Variants in PPP1R13B observed in about 807,000 individuals in gnomAD.
PPP1R13B encodes protein phosphatase 1 regulatory subunit 13B.
In PPP1R13B, 44 loss-of-function variants were observed where a neutral mutation model predicts 119.8. The observed-to-expected ratio is 0.37, with a 90% confidence interval of 0.29 to 0.47. The LOEUF is 0.47. PPP1R13B is among the 20% of genes least tolerant of loss of function. PPP1R13B has a pLI of 0.99. For synonymous variants in PPP1R13B, 542 were observed against 561.5 expected (o/e 0.97, Z 0.49); for missense variants, 1,227 against 1,413.5 (o/e 0.87, Z 2.12).
intron 1 of PPP1R13B, among the ~76,000 whole-genome samples, chr14:103,803,622 A>G (rs535503818): frequency 5.0e-4 from 76 of 152,270 alleles, no homozygotes; most frequent in Admixed American, 7.9e-4. Context: ...CAGCCTGGGC[A>G]ACAGAGCGAG....
At chr14:103,846,321 T>C (rs1463371489) in intron 1 of PPP1R13B, among the ~76,000 whole-genome samples, 1 of 152,206 alleles carries the variant, frequency 6.6e-6, no homozygotes, top group African/African-American at 2.4e-5. Flanking sequence ...GGATCTAATC[T>C]AAATGTCCTT....
rs1166044624 is a variant in PPP1R13B at position 103,735,196 on chromosome 14, C to G, written c.3232-1G>C. 1.2e-6 allele frequency: 2 copies of G among 1,613,944 alleles called. No homozygotes were observed. The highest frequency in any genetic ancestry group is 1.7e-6 in the Non-Finnish European group (2 of 1,180,012). ...GTCGGGGTTTGATCCGTGGATACAGCTGGGAAGCAACGGAGCCGCGTCAGG... is the reference window on the plus strand; with the variant it reads ...GTCGGGGTTTGATCCGTGGATACAGGTGGGAAGCAACGGAGCCGCGTCAGG... On this transcript the variant is annotated splice_acceptor_variant, in intron 16 of 16. Coordinates refer to ENST00000202556, the MANE Select transcript of PPP1R13B (RefSeq NM_015316.3). LOFTEE classifies it high-confidence loss of function.
chr14:103,808,141 G>A (rs1328383960), intron 1 of PPP1R13B, among the ~76,000 whole-genome samples: 1 of 151,942 alleles, frequency 6.6e-6, no homozygotes, highest in African/African-American at 2.4e-5. Context: ...GCTACTCAGA[G>A]GCTGAGACAG....
intron 8 of PPP1R13B, 63 bp from the exon 9 acceptor site, chr14:103,746,616 T>C (rs1282392276): frequency 1.5e-6 from 2 of 1,332,964 alleles, no homozygotes; most frequent in Non-Finnish European, 2.0e-6. Context: ...CTAAGCTTAG[T>C]GCAAGAGACT....
intron 11 of PPP1R13B, 77 bp downstream of exon 11, chr14:103,741,713 A>G: frequency 6.7e-7 from 1 of 1,488,084 alleles, no homozygotes; most frequent in Non-Finnish European, 9.1e-7. Context: ...CCAAACGTAA[A>G]GAAATACATT....
At chr14:103,762,928 T>C (rs1595739402) in intron 4 of PPP1R13B, 3 of 948,248 alleles carry the variant, frequency 3.2e-6, no homozygotes, top group Non-Finnish European at 1.7e-6. Flanking sequence ...GCCTTGTTGC[T>C]GTCCCCGTCT....
chr14:103,764,869 G>A (rs1314590346), intron 4 of PPP1R13B, among the ~76,000 whole-genome samples: 3 of 152,084 alleles, frequency 2.0e-5, no homozygotes, highest in African/African-American at 4.8e-5. Context: ...GCCCAGGCTG[G>A]ACTGCAGTGG....
At chr14:103,812,440 GAC>G (rs1415610322) in intron 1 of PPP1R13B, among the ~76,000 whole-genome samples, 1 of 146,184 alleles carries the variant, frequency 6.8e-6, no homozygotes, top group Admixed American at 6.9e-5. Context: ...GTGTTTTTGA[GAC>G]ACAGTTTCAC....
chr14:103,794,161 C>A (rs1321411935), intron 2 of PPP1R13B, among the ~76,000 whole-genome samples: 4 of 152,146 alleles, frequency 2.6e-5, no homozygotes, highest in Admixed American at 2.6e-4. Context: ...GTTGTTTAAG[C>A]CACCCAGTCT....
chr14:103,753,208 C>T lies in PPP1R13B; in HGVS notation c.632-12G>A. On this transcript the variant is annotated splice_polypyrimidine_tract_variant and intron_variant, in intron 6 of 16. Transcript: ENST00000202556. ...TTCTATTTCAGCAGCTATAATTGAC[C>T]ACACAAGAAAAGAATAAAAGATTTA... 1 of 1,594,248 alleles carries T rather than the reference C, an allele frequency of 6.3e-7. No individual in the cohort carries two copies. Among genetic ancestry groups the T allele is most frequent in the Non-Finnish European group, 8.5e-7 (1 of 1,173,058 alleles).
At chr14:103,846,807 A>G (rs1177501238) in intron 1 of PPP1R13B, 2 of 459,702 alleles carry the variant, frequency 4.4e-6, no homozygotes, top group East Asian at 1.4e-4. Context: ...GGGAATTCCT[A>G]AGATGGCTCT....
At chr14:103,750,916 G>C (rs930030635) in intron 7 of PPP1R13B, among the ~76,000 whole-genome samples, 1 of 151,930 alleles carries the variant, frequency 6.6e-6, no homozygotes, top group African/African-American at 2.4e-5. Flanking sequence ...AATACTTTGG[G>C]AGGCCAAGGT....
intron 1 of PPP1R13B, among the ~76,000 whole-genome samples, chr14:103,834,618 T>C: frequency 6.8e-6 from 1 of 147,476 alleles, no homozygotes; most frequent in Admixed American, 6.8e-5. Context: ...GAGACCGAGT[T>C]TCGCTCTTGT....
intron 1 of PPP1R13B, among the ~76,000 whole-genome samples, chr14:103,817,018 A>G (rs999401799): frequency 6.6e-6 from 1 of 152,196 alleles, no homozygotes; most frequent in Non-Finnish European, 1.5e-5. Context: ...TGCTGCCTTG[A>G]ATTTGCTTAT....
At chr14:103,820,981 G>A (rs991595594) in intron 1 of PPP1R13B, among the ~76,000 whole-genome samples, 4 of 152,080 alleles carry the variant, frequency 2.6e-5, no homozygotes, top group African/African-American at 7.2e-5. Context: ...CCTTTTGAAA[G>A]CATTCAATTA....
At chr14:103,774,897 G>C (rs1370269972) in intron 4 of PPP1R13B, among the ~76,000 whole-genome samples, 7 of 152,186 alleles carry the variant, frequency 4.6e-5, no homozygotes, top group Admixed American at 4.6e-4. Context: ...CATCTTTGAT[G>C]TGATGCTTCC....
At chr14:103,804,089 A>AC (rs1567136754) in intron 1 of PPP1R13B, 1 of 897,702 alleles carries the variant, frequency 1.1e-6, no homozygotes, top group Non-Finnish European at 1.3e-6. Flanking sequence ...AACTTGCTCC[A>AC]TTTTTTTTTT....
chr14:103,750,015 A>T (rs2084499982), intron 7 of PPP1R13B, 81 bp from the exon 8 acceptor site: 34 of 1,486,076 alleles, frequency 2.3e-5, no homozygotes, highest in Non-Finnish European at 2.8e-5. Flanking sequence ...TAAAAAAGAA[A>T]AAGTAGCATT....
intron 1 of PPP1R13B, among the ~76,000 whole-genome samples, chr14:103,834,226 A>T (rs1220169343): frequency 6.6e-6 from 1 of 152,088 alleles, no homozygotes; most frequent in Non-Finnish European, 1.5e-5. Context: ...AATACAAAAA[A>T]CTAGCTGGGC....
Sources: allele counts gnomAD v4.1 joint callset (sites outside exome capture counted in the v4.1 genomes callset), GRCh38; gene constraint gnomAD v4.1.1; transcripts MANE v1.5; gene names NCBI Gene and HGNC (gene_info 2026-07-23, HGNC 2026-07-21).